MAML3: variants seen among roughly 807,000 people sequenced by gnomAD.
MAML3 encodes mastermind like transcriptional coactivator 3, also known as mastermind-like protein 3.
Under a neutral mutation model 101.9 loss-of-function variants are expected in MAML3, and 27 were observed. That is an observed-to-expected ratio of 0.27 (90% CI 0.20 to 0.37). The LOEUF (loss-of-function observed/expected upper bound fraction) is 0.37, where lower values mean the gene tolerates loss of function less well. Ranked by LOEUF, MAML3 falls within the 10% of genes least tolerant of loss-of-function variation. MAML3 has a pLI of 1.00. For missense variants in MAML3, 1,316 were observed against 1,444.9 expected (o/e 0.91, Z 1.45); for synonymous variants, 501 against 555.9 (o/e 0.90, Z 1.39).
At chr4:139,767,349 G>A (rs180908427) in intron 2 of MAML3, among the ~76,000 whole-genome samples, 18 of 152,270 alleles carry the variant, frequency 1.2e-4, no homozygotes, top group African/African-American at 3.6e-4. Context: ...CTAACATCTC[G>A]TCACAGATCT....
chr4:139,818,762 A>G (rs1353146431), intron 2 of MAML3, among the ~76,000 whole-genome samples: 1 of 152,226 alleles, frequency 6.6e-6, no homozygotes, highest in Non-Finnish European at 1.5e-5. Context: ...CCTAGAATGA[A>G]GCAAATACCC....
At chr4:139,926,415 A>G (rs964621206) in intron 1 of MAML3, among the ~76,000 whole-genome samples, 2 of 152,186 alleles carry the variant, frequency 1.3e-5, no homozygotes, top group Admixed American at 1.3e-4. Context: ...TCTGGCTAAC[A>G]GGGTGAAACC....
chr4:139,858,127 C>T (rs1324220893), intron 2 of MAML3, among the ~76,000 whole-genome samples: 1 of 152,206 alleles, frequency 6.6e-6, no homozygotes, highest in Admixed American at 6.5e-5. Context: ...GATTTCAAAA[C>T]CTTATGTGTA....
At chr4:139,837,145 G>T (rs62322637) in intron 2 of MAML3, among the ~76,000 whole-genome samples, 3 of 138,340 alleles carry the variant, frequency 2.2e-5, no homozygotes, top group African/African-American at 5.4e-5. Context: ...AAAAAGAAAA[G>T]AAAAGAAAAA....
At chr4:140,111,367 A>C (rs1728435614) in intron 1 of MAML3, among the ~76,000 whole-genome samples, 2 of 152,228 alleles carry the variant, frequency 1.3e-5, no homozygotes, top group South Asian at 4.1e-4. Context: ...GGAAAAATTC[A>C]ATAGTTTGCA....
At chr4:140,134,148 C>T in intron 1 of MAML3, 1 of 456,714 alleles carries the variant, frequency 2.2e-6, no homozygotes, top group South Asian at 1.5e-5. Flanking sequence ...TCTTTTGTGG[C>T]TCATTATCTT....
Position 139,989,880 on chromosome 4 carries a change from C to CAGAGAG in MAML3, c.469-98914_469-98913insCTCTCT, listed in dbSNP as rs1310864161. Among the ~76,000 whole-genome samples, 366 of 58,156 alleles carry CAGAGAG rather than the reference C, an allele frequency of 6.3e-3. 1 individual carries two copies. Among genetic ancestry groups the CAGAGAG allele is most frequent in the Middle Eastern group, 0.017 (2 of 118 alleles). The allele number at this position is 58,156 out of a possible 152,430, so 38.2% of individuals were successfully genotyped here. A position where few individuals can be genotyped will look rare whatever the true frequency, so the allele number is the denominator to read the frequency against. On this transcript the variant is annotated intron_variant, in intron 1 of 4. Transcript: ENST00000509479. ...ACACACACACACACACACACACACA[C>CAGAGAG]ACAGAGAGAGAGAGAGAGAGAAAGA...
chr4:139,772,850 A>T (rs1318791507), intron 2 of MAML3, among the ~76,000 whole-genome samples: 7 of 150,064 alleles, frequency 4.7e-5, no homozygotes, highest in Non-Finnish European at 1.0e-4. Context: ...GAGGCCGAGG[A>T]GGGCAGATCA....
chr4:140,059,447 C>T (rs1727406820), intron 1 of MAML3, among the ~76,000 whole-genome samples: 1 of 152,168 alleles, frequency 6.6e-6, no homozygotes, highest in Non-Finnish European at 1.5e-5. Context: ...CACCCAGTTC[C>T]TAAGGAATGT....
At chr4:140,025,482 T>C (rs552011361) in intron 1 of MAML3, among the ~76,000 whole-genome samples, 4 of 152,266 alleles carry the variant, frequency 2.6e-5, no homozygotes, top group African/African-American at 7.2e-5. Flanking sequence ...TATGGAAAGA[T>C]TTCTGTCCTG....
intron 1 of MAML3, among the ~76,000 whole-genome samples, chr4:139,936,105 TATC>T (rs972437635): frequency 6.6e-6 from 1 of 152,188 alleles, no homozygotes; most frequent in Non-Finnish European, 1.5e-5. Context: ...ATATAAATGA[TATC>T]ATGCAGTATC....
At chr4:139,980,526 TG>T (rs545302530) in intron 1 of MAML3, among the ~76,000 whole-genome samples, 20 of 152,310 alleles carry the variant, frequency 1.3e-4, no homozygotes, top group Non-Finnish European at 2.5e-4. Context: ...TGGGCTACCC[TG>T]ATTGTAGTCT....
At chr4:139,772,184 G>A (rs1400158802) in intron 2 of MAML3, among the ~76,000 whole-genome samples, 2 of 131,672 alleles carry the variant, frequency 1.5e-5, no homozygotes, top group Non-Finnish European at 3.1e-5. Flanking sequence ...AGTTTGCAGT[G>A]AGCCGAGATC....
intron 2 of MAML3, among the ~76,000 whole-genome samples, chr4:139,782,185 C>T (rs936615189): frequency 9.9e-5 from 15 of 152,070 alleles, no homozygotes; most frequent in African/African-American, 2.7e-4. Flanking sequence ...TTTTTAGAGA[C>T]AAGGTCTCAC....
intron 2 of MAML3, among the ~76,000 whole-genome samples, chr4:139,869,947 G>A (rs1731970360): frequency 6.6e-6 from 1 of 152,340 alleles, no homozygotes; most frequent in African/African-American, 2.4e-5. Flanking sequence ...TAAGAGCTCA[G>A]GTTTGGATTC....
intron 1 of MAML3, among the ~76,000 whole-genome samples, chr4:140,138,934 A>G (rs1218190863): frequency 6.6e-6 from 1 of 152,144 alleles, no homozygotes; most frequent in Non-Finnish European, 1.5e-5. Flanking sequence ...TTAACAAGAT[A>G]CTCCTATTTA....
intron 2 of MAML3, among the ~76,000 whole-genome samples, chr4:139,875,779 G>A (rs1732103540): frequency 6.6e-6 from 1 of 152,232 alleles, no homozygotes; most frequent in African/African-American, 2.4e-5. Context: ...CTAACAGCAT[G>A]GGCACAAAGC....
chr4:140,080,329 G>A (rs1007981645), intron 1 of MAML3, among the ~76,000 whole-genome samples: 18 of 152,212 alleles, frequency 1.2e-4, no homozygotes, highest in African/African-American at 3.6e-4. Context: ...CTCTACTCAT[G>A]GGTCTGAATG....
At chr4:139,883,393 A>C (rs1398707110) in intron 2 of MAML3, among the ~76,000 whole-genome samples, 3 of 152,238 alleles carry the variant, frequency 2.0e-5, no homozygotes, top group African/African-American at 7.2e-5. Flanking sequence ...GAAAACAAAA[A>C]GCTATACAAG....
Sources: allele counts gnomAD v4.1 joint callset (sites outside exome capture counted in the v4.1 genomes callset), GRCh38; gene constraint gnomAD v4.1.1; transcripts MANE v1.5; gene names NCBI Gene and HGNC (gene_info 2026-07-23, HGNC 2026-07-21).